Variants in HMCN1 observed in about 807,000 individuals in gnomAD.
HMCN1 encodes the protein hemicentin 1, also known as hemicentin-1.
HMCN1 carries 321 observed loss-of-function variants against 625.9 expected under a neutral mutation model. The ratio of observed to expected loss-of-function variants is 0.51; its 90% CI spans 0.47 to 0.56. HMCN1 has a LOEUF of 0.56. Among genes scored for constraint, HMCN1 ranks in the 20% least tolerant of loss-of-function variants. The pLI is 0.00. For synonymous variants in HMCN1, 2,425 were observed against 2,417.6 expected, an observed-to-expected ratio of 1.00 and a Z score of -0.09; for missense variants, 6,588 against 6,887.3, an observed-to-expected ratio of 0.96 and a Z score of 1.54.
chr1:186,098,426 G>A (rs1235368238), intron 68 of HMCN1, among the ~76,000 whole-genome samples: 1 of 151,940 alleles, frequency 6.6e-6, no homozygotes, highest in Non-Finnish European at 1.5e-5. Flanking sequence ...TGGCCAAGAG[G>A]TATATGAAAA....
chr1:185,880,964 G>A (rs902055047), intron 4 of HMCN1, among the ~76,000 whole-genome samples: 2 of 152,228 alleles, frequency 1.3e-5, no homozygotes, highest in East Asian at 3.9e-4. Context: ...GAGCCAGAGC[G>A]AGTGCTTTTG....
At chr1:185,764,839 T>C (rs1301568044) in intron 1 of HMCN1, among the ~76,000 whole-genome samples, 1 of 152,202 alleles carries the variant, frequency 6.6e-6, no homozygotes, top group Non-Finnish European at 1.5e-5. Flanking sequence ...AACAGATAGA[T>C]CAACAACATG....
chr1:186,032,791 G>A (rs1038984218), intron 36 of HMCN1, among the ~76,000 whole-genome samples: 17 of 151,912 alleles, frequency 1.1e-4, no homozygotes, highest in African/African-American at 4.1e-4. Flanking sequence ...TGTGCTGAAA[G>A]GGAACACTTT....
chr1:186,024,297 G>T (rs743135), intron 36 of HMCN1, among the ~76,000 whole-genome samples: 117 of 152,256 alleles, frequency 7.7e-4, no homozygotes, highest in Non-Finnish European at 1.4e-3. Flanking sequence ...CATTTGCCTC[G>T]TTCCCCATAA....
At chr1:186,189,398 C>T in intron 106 of HMCN1, 114 bp from the exon 107 acceptor site, 1 of 1,101,918 alleles carries the variant, frequency 9.1e-7, no homozygotes, top group South Asian at 1.3e-5. Context: ...CTTTTACAGC[C>T]AGGCTGCCTA....
intron 93 of HMCN1, 115 bp from the exon 94 acceptor site, chr1:186,151,085 T>G: frequency 3.0e-6 from 3 of 1,004,952 alleles, no homozygotes; most frequent in Non-Finnish European, 4.6e-6. Flanking sequence ...TCATATGACC[T>G]TTTTGATGTT....
intron 1 of HMCN1, among the ~76,000 whole-genome samples, chr1:185,834,236 A>G (rs1661037555): frequency 6.6e-6 from 1 of 152,214 alleles, no homozygotes; most frequent in Non-Finnish European, 1.5e-5. Context: ...GCTATTTAAT[A>G]AAATAAACAT....
At chr1:186,112,675 A>C in intron 71 of HMCN1, 137 bp from the exon 72 acceptor site, 1 of 1,050,830 alleles carries the variant, frequency 9.5e-7, no homozygotes, top group African/African-American at 1.6e-5. Context: ...TACTACGAAA[A>C]TGGTGGAGGA....
intron 1 of HMCN1, among the ~76,000 whole-genome samples, chr1:185,841,599 A>G (rs1416154928): frequency 6.6e-6 from 1 of 152,126 alleles, no homozygotes; most frequent in Non-Finnish European, 1.5e-5. Flanking sequence ...CACTTACTGG[A>G]AATCTGAATG....
chr1:186,178,504 A>G lies in HMCN1; in HGVS notation c.16032A>G (p.Gly5344=). ...GCTTCAAGTGTATCTGTCCACCAGG[A>G]CAACATTTATTAGGGGACGGGAAAT... ...PGSFKCICPP[G]QHLLGDGKSC... Residue 5344 remains glycine (G), a synonymous_variant, in exon 104 of 107, where the codon GGA becomes GGG. Coordinates refer to ENST00000271588, the MANE Select transcript of HMCN1 (RefSeq NM_031935.3). 2.5e-6 allele frequency: 4 copies of G among 1,614,046 alleles called. No homozygotes were observed. The South Asian group carries it at 4.4e-5, about 18-fold the overall frequency.
At chr1:185,915,611 T>C (rs1666658525) in intron 6 of HMCN1, among the ~76,000 whole-genome samples, 1 of 152,110 alleles carries the variant, frequency 6.6e-6, no homozygotes, top group South Asian at 2.1e-4. Context: ...ATGATTATAC[T>C]GGGATTCTGA....
At chr1:185,769,168 C>T (rs1656063804) in intron 1 of HMCN1, among the ~76,000 whole-genome samples, 1 of 152,072 alleles carries the variant, frequency 6.6e-6, no homozygotes, top group South Asian at 2.1e-4. Flanking sequence ...TTATAATAGG[C>T]CAGGTGCAGT....
intron 11 of HMCN1, among the ~76,000 whole-genome samples, chr1:185,946,678 C>G (rs1052175546): frequency 1.3e-5 from 2 of 152,156 alleles, no homozygotes; most frequent in African/African-American, 4.8e-5. Flanking sequence ...TCCTATCAAC[C>G]ATATTTTTTG....
intron 97 of HMCN1, among the ~76,000 whole-genome samples, chr1:186,155,512 A>T (rs1288048337): frequency 2.0e-5 from 3 of 152,168 alleles, no homozygotes; most frequent in Non-Finnish European, 2.9e-5. Context: ...GGGCACAAAT[A>T]AGAGAATTTC....
intron 36 of HMCN1, among the ~76,000 whole-genome samples, chr1:186,032,449 A>G (rs559178638): frequency 1.7e-4 from 26 of 152,158 alleles, no homozygotes; most frequent in African/African-American, 6.3e-4. Flanking sequence ...CATAATATCT[A>G]TGTGTTGTGG....
At chr1:185,903,886 C>T (rs1384888061) in intron 4 of HMCN1, among the ~76,000 whole-genome samples, 1 of 151,858 alleles carries the variant, frequency 6.6e-6, no homozygotes, top group Non-Finnish European at 1.5e-5. Flanking sequence ...TACATTTCCT[C>T]TCTATAGGCA....
chr1:186,108,412 T>C, intron 70 of HMCN1, 49 bp from the exon 71 acceptor site: 1 of 1,613,856 alleles, frequency 6.2e-7, no homozygotes, highest in African/African-American at 1.3e-5. Context: ...ATTTTTTGGA[T>C]ACCTATGATA....
At chr1:186,157,471 T>G (rs576758351) in intron 97 of HMCN1, among the ~76,000 whole-genome samples, 2 of 152,314 alleles carry the variant, frequency 1.3e-5, no homozygotes, top group South Asian at 4.1e-4. Flanking sequence ...GTATGATTAT[T>G]TTGGGAACAT....
chr1:186,020,910 A>T (rs1654676406), intron 35 of HMCN1, among the ~76,000 whole-genome samples: 1 of 152,090 alleles, frequency 6.6e-6, no homozygotes, highest in Non-Finnish European at 1.5e-5. Flanking sequence ...AGTAAGGTTG[A>T]TGATTTTATT....
Sources: gnomAD v4.1 joint callset for allele counts (sites outside exome capture counted in the v4.1 genomes callset) on GRCh38, gnomAD v4.1.1 for gene constraint, MANE v1.5 for transcripts, NCBI Gene and HGNC (gene_info 2026-07-23, HGNC 2026-07-21) for gene names.